USH2A: variants seen among roughly 807,000 people sequenced by gnomAD.
USH2A encodes the protein Usher syndrome 2A (autosomal recessive, mild).
In USH2A, 443 loss-of-function variants were observed where a neutral mutation model predicts 538.9. The ratio of observed to expected loss-of-function variants is 0.82; its 90% CI spans 0.76 to 0.89. The LOEUF is 0.89. USH2A is among the 40% of genes least tolerant of loss of function. The pLI is 0.00. For missense variants in USH2A, 6,633 were observed against 6,324.8 expected, an observed-to-expected ratio of 1.05 and a Z score of -1.65; for synonymous variants, 2,413 against 2,273.5, an observed-to-expected ratio of 1.06 and a Z score of -1.75.
chr1:216,135,156 TCTCTCTCTCTCACACACACACATACA>T (rs1229110290), intron 21 of USH2A, among the ~76,000 whole-genome samples: 54 of 139,258 alleles, frequency 3.9e-4, no homozygotes, highest in African/African-American at 1.6e-3. Flanking sequence ...TCTCTCTCTC[TCTCTCTCTCTCACACACACACATACA>T]CACACACACA....
chr1:216,062,155 G>T (rs2031208178), intron 30 of USH2A, among the ~76,000 whole-genome samples: 1 of 152,134 alleles, frequency 6.6e-6, no homozygotes, highest in African/African-American at 2.4e-5. Flanking sequence ...ATGGAAGATT[G>T]TCATATTCTG....
chr1:215,694,261 A>C (rs896711065), intron 61 of USH2A, among the ~76,000 whole-genome samples: 1 of 152,166 alleles, frequency 6.6e-6, no homozygotes, highest in Non-Finnish European at 1.5e-5. Flanking sequence ...AATTAAAACT[A>C]TTTGTTGAAA....
intron 9 of USH2A, among the ~76,000 whole-genome samples, chr1:216,316,167 T>A (rs1010271721): frequency 5.9e-5 from 9 of 152,050 alleles, no homozygotes; most frequent in African/African-American, 2.2e-4. Context: ...CTCCCCAAGG[T>A]AAATGTTTTT....
Position 215,926,559 on chromosome 1 carries a change from C to T in USH2A, c.7300+8057G>A, listed in dbSNP as rs1319603333. On this transcript the variant is annotated intron_variant, in intron 38 of 71. Transcript: ENST00000307340. The stretch of plus-strand genomic sequence containing the variant: ...CTGCTCTGAGGGTGGATCATTCTGC[C>T]ACTTTGGAAGCGTGTCTTTTTCCTA... 3.3e-5 allele frequency among the ~76,000 whole-genome samples: 5 copies of T among 150,044 alleles called. No homozygotes were observed. In the East Asian group the frequency reaches 5.9e-4, roughly 18 times the overall value.
At chr1:216,185,956 T>C (rs1267664761) in intron 20 of USH2A, among the ~76,000 whole-genome samples, 2 of 151,936 alleles carry the variant, frequency 1.3e-5, no homozygotes, top group Admixed American at 6.6e-5. Context: ...AAAAATGATG[T>C]ATTTTATAAT....
chr1:216,083,367 C>T, intron 26 of USH2A, 89 bp downstream of exon 26: 2 of 1,403,558 alleles, frequency 1.4e-6, no homozygotes, highest in Non-Finnish European at 1.9e-6. Flanking sequence ...AAAGAAACCC[C>T]AATTAAGTGT....
chr1:216,390,060 T>A (rs1452763152), intron 3 of USH2A, among the ~76,000 whole-genome samples: 1 of 152,124 alleles, frequency 6.6e-6, no homozygotes, highest in Non-Finnish European at 1.5e-5. Flanking sequence ...GTAGAGAAAA[T>A]AATTTTGAAA....
chr1:215,627,821 C>G (rs968094171), intron 71 of USH2A, among the ~76,000 whole-genome samples: 3 of 152,166 alleles, frequency 2.0e-5, no homozygotes, highest in Non-Finnish European at 4.4e-5. Flanking sequence ...AGCCACTGTG[C>G]CTGGCCTATC....
At position 216,084,864 on chromosome 1, in the gene USH2A, T is replaced by G. The variant is rs1197635072; in HGVS notation, c.5001A>C (p.Lys1667Asn). The G allele has an allele frequency of 6.2e-7, 1 of 1,613,008 alleles. No individual in the cohort carries two copies. Among genetic ancestry groups the G allele is most frequent in the South Asian group, 1.1e-5 (1 of 91,072 alleles). Residue 1667 changes from lysine to asparagine, a missense_variant, in exon 25 of 72, where the codon AAA becomes AAC. Lys to Asn is a moderately conservative substitution (Grantham distance 94). Coordinates refer to ENST00000307340, the MANE Select transcript of USH2A (RefSeq NM_206933.4). ...ILRKDPEIIQ[K>N]GFVGCLKDVH... ...CATCCTTGAGACAGCCCACAAAACC[T>G]TTTTGGATTATCTCTGCAGGAGTTT...
intron 21 of USH2A, among the ~76,000 whole-genome samples, chr1:216,109,555 AGTTCTTTCTTACT>A (rs1263876876): frequency 2.0e-5 from 3 of 152,162 alleles, no homozygotes; most frequent in African/African-American, 7.2e-5. Context: ...ATGAAAGCGA[AGTTCTTTCTTACT>A]GTTCTACATC....
intron 21 of USH2A, among the ~76,000 whole-genome samples, chr1:216,134,494 A>T (rs2033440857): frequency 6.6e-6 from 1 of 152,124 alleles, no homozygotes; most frequent in Admixed American, 6.6e-5. Context: ...CAACAGTATT[A>T]GTTTAATCAA....
intron 13 of USH2A, among the ~76,000 whole-genome samples, chr1:216,244,003 C>T (rs1033032487): frequency 1.3e-5 from 2 of 152,164 alleles, no homozygotes; most frequent in East Asian, 3.9e-4. Flanking sequence ...AGCACATTTT[C>T]AAAAACACCT....
intron 14 of USH2A, 91 bp downstream of exon 14, chr1:216,231,862 C>A (rs2035702372): frequency 2.0e-6 from 3 of 1,538,278 alleles, no homozygotes; most frequent in South Asian, 2.3e-5. Flanking sequence ...AAAAAAAATA[C>A]TTTTTACAGA....
At chr1:215,836,814 C>T (rs1383124097) in intron 47 of USH2A, among the ~76,000 whole-genome samples, 1 of 151,024 alleles carries the variant, frequency 6.6e-6, no homozygotes, top group African/African-American at 2.4e-5. Context: ...CCTCGGCCTC[C>T]CAAAGTGCTG....
rs367861852 is a variant in USH2A at position 216,323,443 on chromosome 1, A to G, written c.1550+31T>C. 1.4e-5 allele frequency: 22 copies of G among 1,608,950 alleles called. No individual in the cohort carries two copies. In the Admixed American group the frequency reaches 1.5e-4, roughly 11 times the overall value. On this transcript the variant is annotated intron_variant, in intron 8 of 71. Coordinates refer to ENST00000307340, the MANE Select transcript of USH2A (RefSeq NM_206933.4). ...TGTTAAGACAGTAAGTATGACAAAA[A>G]CCTTGTTGAAAACAAAATTCATAAT...
chr1:216,410,155 T>C, intron 3 of USH2A, among the ~76,000 whole-genome samples: 1 of 146,472 alleles, frequency 6.8e-6, no homozygotes, highest in Non-Finnish European at 1.5e-5. Flanking sequence ...AAAGATACCA[T>C]CTCACATCAG....
intron 27 of USH2A, among the ~76,000 whole-genome samples, chr1:216,074,732 A>G (rs2031691334): frequency 6.6e-6 from 1 of 152,196 alleles, no homozygotes; most frequent in South Asian, 2.1e-4. Flanking sequence ...ATTTTAATGT[A>G]TTTATCAGTA....
At chr1:216,190,178 T>C (rs761918950) in intron 20 of USH2A, 45 bp downstream of exon 20, 104 of 1,610,290 alleles carry the variant, frequency 6.5e-5, no homozygotes, top group Non-Finnish European at 8.1e-5. Context: ...AAGTTTTTTT[T>C]CTTGATAGGC....
At chr1:215,832,274 C>T (rs1453648387) in intron 47 of USH2A, among the ~76,000 whole-genome samples, 2 of 151,750 alleles carry the variant, frequency 1.3e-5, no homozygotes, top group Non-Finnish European at 2.9e-5. Flanking sequence ...AAATGCTTCC[C>T]AAGTTAGTAT....
Sources: allele counts gnomAD v4.1 joint callset (sites outside exome capture counted in the v4.1 genomes callset), GRCh38; gene constraint gnomAD v4.1.1; transcripts MANE v1.5; gene names NCBI Gene and HGNC (gene_info 2026-07-23, HGNC 2026-07-21).